The following ADCYAP1R1 variants were observed in gnomAD, a reference collection of about 807,000 sequenced individuals.
ADCYAP1R1 encodes the protein ADCYAP receptor type I.
Under a neutral mutation model 67.6 loss-of-function variants are expected in ADCYAP1R1, and 44 were observed. The observed-to-expected ratio is 0.65, with a 90% CI of 0.51 to 0.84. The LOEUF (loss-of-function observed/expected upper bound fraction) is 0.84, where lower values mean the gene tolerates loss of function less well. Among genes scored for constraint, ADCYAP1R1 ranks in the 40% least tolerant of loss-of-function variants. ADCYAP1R1 has a pLI of 0.00. For synonymous variants in ADCYAP1R1, 222 were observed against 219.6 expected (o/e 1.01, Z -0.10); for missense variants, 477 against 587.9 (o/e 0.81, Z 1.95).
intron 1 of ADCYAP1R1, among the ~76,000 whole-genome samples, chr7:31,060,419 T>A (rs578042449): frequency 5.0e-4 from 76 of 152,334 alleles, no homozygotes; most frequent in Non-Finnish European, 1.0e-3. Flanking sequence ...TGTGCTTACA[T>A]CTGCACATAT....
chr7:31,081,901 G>A, intron 6 of ADCYAP1R1, 147 bp downstream of exon 6: 2 of 585,628 alleles, frequency 3.4e-6, no homozygotes, highest in South Asian at 3.0e-5. Context: ...CTCTGATAAA[G>A]GTACAGATTA....
chr7:31,060,900 A>G (rs1794475098), intron 1 of ADCYAP1R1, among the ~76,000 whole-genome samples: 1 of 152,252 alleles, frequency 6.6e-6, no homozygotes, highest in South Asian at 2.1e-4. Flanking sequence ...ATACACGAGC[A>G]TCACCTGGAG....
chr7:31,096,411 T>C (rs971405306), intron 13 of ADCYAP1R1, among the ~76,000 whole-genome samples: 6 of 152,140 alleles, frequency 3.9e-5, no homozygotes, highest in Non-Finnish European at 7.4e-5. Flanking sequence ...AAAGCCTCCA[T>C]CTTCCACTTC....
At chr7:31,071,804 A>G (rs1794993446) in intron 3 of ADCYAP1R1, among the ~76,000 whole-genome samples, 1 of 152,074 alleles carries the variant, frequency 6.6e-6, no homozygotes, top group Non-Finnish European at 1.5e-5. Context: ...TAGACTCTAG[A>G]CTTTTTTCCA....
chr7:31,077,839 T>G, intron 3 of ADCYAP1R1, 152 bp from the exon 4 acceptor site: 1 of 525,562 alleles, frequency 1.9e-6, no homozygotes, highest in Non-Finnish European at 3.4e-6. Context: ...TTTGTTGGTG[T>G]TGTGTGTGTG....
chr7:31,086,836 C>G lies in ADCYAP1R1; in HGVS notation c.824-107C>G. On this transcript the variant is annotated intron_variant, in intron 10 of 15. Transcript: ENST00000304166. This position sits in a 1 kb window ranked among gnomAD's most constrained non-coding sequence, Gnocchi z 5.0. Reference sequence around the variant, plus strand: ...GGGACAGTTAGAATTCCCAGGAATTCCAAGTCTCATGGGGGAGCAATAGCC... The same window carrying G: ...GGGACAGTTAGAATTCCCAGGAATTGCAAGTCTCATGGGGGAGCAATAGCC... 1 of 1,234,228 alleles carries G rather than the reference C, an allele frequency of 8.1e-7. No individual in the cohort carries two copies. The highest frequency in any genetic ancestry group is 2.3e-5 in the East Asian group (1 of 43,034). 76.5% of individuals were successfully genotyped at this position (1,234,228 alleles called of 1,614,324 possible). A position where few individuals can be genotyped will look rare whatever the true frequency, so the allele number is the denominator to read the frequency against.
At chr7:31,104,772 G>A (rs1796573108) in intron 14 of ADCYAP1R1, 96 bp from the exon 15 acceptor site, 5 of 1,380,144 alleles carry the variant, frequency 3.6e-6, no homozygotes, top group South Asian at 3.5e-5. Context: ...AGGTCATGGT[G>A]TATTTCTGCT....
At chr7:31,056,611 G>A (rs950138264) in intron 1 of ADCYAP1R1, among the ~76,000 whole-genome samples, 2 of 151,822 alleles carry the variant, frequency 1.3e-5, no homozygotes, top group East Asian at 1.9e-4. Flanking sequence ...CATCCCAACC[G>A]CCTTCCTGCT....
intron 3 of ADCYAP1R1, among the ~76,000 whole-genome samples, chr7:31,077,218 A>G (rs968370990): frequency 2.0e-5 from 3 of 152,148 alleles, no homozygotes; most frequent in Non-Finnish European, 4.4e-5. Flanking sequence ...AGCACACCTC[A>G]GTGTGTGTAT....
At chr7:31,100,289 G>C in intron 13 of ADCYAP1R1, 1 of 1,380,000 alleles carries the variant, frequency 7.2e-7, no homozygotes, top group Non-Finnish European at 1.0e-6. Context: ...GCTGCTGGAG[G>C]AGAGTGGAGA....
intron 2 of ADCYAP1R1, among the ~76,000 whole-genome samples, chr7:31,063,640 C>T (rs951281789): frequency 6.6e-6 from 1 of 152,212 alleles, no homozygotes; most frequent in East Asian, 1.9e-4. Context: ...TTTCTCGTCA[C>T]CAGCCCACAA....
chr7:31,063,755 C>G (rs1423876615), intron 2 of ADCYAP1R1, among the ~76,000 whole-genome samples: 1 of 152,154 alleles, frequency 6.6e-6, no homozygotes, highest in East Asian at 1.9e-4. Flanking sequence ...GGTTTTGGTC[C>G]CGCCACTCTA....
rs974747078 is a variant in ADCYAP1R1, at chr7:31,101,656, C to T, written c.1047-1581C>T. Among the ~76,000 whole-genome samples, 14 of 152,186 alleles carry T rather than the reference C, an allele frequency of 9.2e-5. 1 individual carries two copies. The highest frequency in any genetic ancestry group is 8.3e-4 in the South Asian group (4 of 4,822). The stretch of plus-strand genomic sequence containing the variant: ...TGGATAACCAGAGATGAACAAGACC[C>T]GAGCGCCCAAGAGAGAATTCAGTTT... On this transcript the variant is annotated intron_variant, in intron 13 of 15. Coordinates refer to ENST00000304166, the MANE Select transcript of ADCYAP1R1 (RefSeq NM_001118.5).
At chr7:31,078,184 C>A in intron 4 of ADCYAP1R1, 86 bp downstream of exon 4, 2 of 1,077,186 alleles carry the variant, frequency 1.9e-6, no homozygotes, top group Non-Finnish European at 2.7e-6. Context: ...GACAGGGAGG[C>A]CACCCTGTGG....
chr7:31,064,316 T>C (rs1794638117), intron 2 of ADCYAP1R1, among the ~76,000 whole-genome samples: 1 of 152,206 alleles, frequency 6.6e-6, no homozygotes, highest in Admixed American at 6.5e-5. Context: ...TGTTTTCTCC[T>C]CTAAACTGCA....
intron 13 of ADCYAP1R1, chr7:31,095,543 G>T: frequency 2.9e-6 from 2 of 697,030 alleles, no homozygotes; most frequent in Non-Finnish European, 5.3e-6. Flanking sequence ...GGCAGTGAAT[G>T]GGGGGAGAGG....
intron 13 of ADCYAP1R1, chr7:31,100,057 C>T: frequency 1.4e-6 from 2 of 1,450,512 alleles, no homozygotes; most frequent in Non-Finnish European, 1.9e-6. Context: ...TTCTGCTTTC[C>T]CTGTAAACTG....
At chr7:31,078,123 G>A in intron 4 of ADCYAP1R1, 25 bp downstream of exon 4, 1 of 1,576,978 alleles carries the variant, frequency 6.3e-7, no homozygotes, top group Non-Finnish European at 8.6e-7. Context: ...GTCTCTTTAG[G>A]CCACGCTGGC....
intron 6 of ADCYAP1R1, among the ~76,000 whole-genome samples, chr7:31,083,465 A>C: frequency 6.6e-6 from 1 of 152,232 alleles, no homozygotes; most frequent in East Asian, 1.9e-4. Context: ...AGCAAATTAA[A>C]GTACATTAGT....
Sources: gnomAD v4.1 joint callset for allele counts (sites outside exome capture counted in the v4.1 genomes callset) on GRCh38, gnomAD v4.1.1 for gene constraint, Gnocchi (gnomAD v3.1) non-coding constraint, MANE v1.5 for transcripts, NCBI Gene and HGNC (gene_info 2026-07-23, HGNC 2026-07-21) for gene names.